The following PCNT variants were observed in gnomAD, a reference collection of about 807,000 sequenced individuals.
The protein encoded by PCNT is kendrin.
PCNT carries 319 observed loss-of-function variants against 380.4 expected under a neutral mutation model. The ratio of observed to expected loss-of-function variants is 0.84; its 90% CI spans 0.77 to 0.92. The LOEUF is 0.92. Ranked by LOEUF, PCNT falls within the 40% of genes least tolerant of loss-of-function variation. PCNT has a pLI of 0.00. For synonymous variants in PCNT, 1,845 were observed against 1,735.2 expected, an observed-to-expected ratio of 1.06 and a Z score of -1.57; for missense variants, 4,400 against 4,255.3, an observed-to-expected ratio of 1.03 and a Z score of -0.95.
chr21:46,363,976 G>C, intron 14 of PCNT, 42 bp downstream of exon 14: 1 of 1,565,914 alleles, frequency 6.4e-7, no homozygotes, highest in Non-Finnish European at 8.7e-7. Context: ...TGTGAGGCCA[G>C]ACACCTTGGA....
Position 46,355,468 on chromosome 21 carries a change from T to TC in PCNT, c.1780dup (p.Gln594ProfsTer48). The TC allele has an allele frequency of 6.2e-7, 1 of 1,613,960 alleles. No individual in the cohort carries two copies. The highest frequency in any genetic ancestry group is 8.5e-7 in the Non-Finnish European group (1 of 1,180,026). On this transcript the variant is annotated frameshift_variant, in exon 12 of 47. Coordinates refer to ENST00000359568, the MANE Select transcript of PCNT (RefSeq NM_006031.6). LOFTEE classifies it high-confidence loss of function. Reference sequence around the variant, plus strand: ...TCTCTGTAGGAGAGCCTGCCACGCTTCCAGGCGGAGTTAGAAGAAAGCCAC... The same window carrying TC: ...TCTCTGTAGGAGAGCCTGCCACGCTTCCCAGGCGGAGTTAGAAGAAAGCCAC...
intron 9 of PCNT, 34 bp downstream of exon 9, chr21:46,351,574 A>G: frequency 8.3e-7 from 1 of 1,208,656 alleles, no homozygotes; most frequent in Non-Finnish European, 1.2e-6. Context: ...CAGATCCTCA[A>G]AAGCTGAAGC....
chr21:46,346,052 G>A lies in PCNT; in HGVS notation c.640-76G>A, dbSNP rs536366174. Reference sequence around the variant, plus strand: ...CGAACGGGGTTTTGTGAGGACGTGCGTCGTCAGTTCTTGAGCACATCACTG... The same window carrying A: ...CGAACGGGGTTTTGTGAGGACGTGCATCGTCAGTTCTTGAGCACATCACTG... On this transcript the variant is annotated intron_variant, in intron 3 of 46. Coordinates refer to ENST00000359568, the MANE Select transcript of PCNT (RefSeq NM_006031.6). 1.2e-3 allele frequency: 1,651 copies of A among 1,378,872 alleles called. 2 individuals carry two copies. Among genetic ancestry groups the A allele is most frequent in the South Asian group, 2.1e-3 (182 of 86,152 alleles). 85.4% of individuals were successfully genotyped at this position (1,378,872 alleles called of 1,614,324 possible).
At position 46,354,042 on chromosome 21, in the gene PCNT, G is replaced by C; in HGVS notation, c.1735G>C (p.Asp579His). The C allele has an allele frequency of 6.2e-7, 1 of 1,614,128 alleles. No individual in the cohort carries two copies. The highest frequency in any genetic ancestry group is 1.7e-5 in the Admixed American group (1 of 60,016). ...TGAGAAAGGAAGAAAAGATCACGTT[G>C]ATGAACTCGAGCCTGAGCGACATAA... Reference protein sequence around the residue: ...KPEKGRKDHVDELEPERHKES... With the variant: ...KPEKGRKDHVHELEPERHKES... Residue 579 changes from aspartate (D) to histidine (H), a missense_variant, in exon 11 of 47, where the codon GAT becomes CAT. Transcript: ENST00000359568.
chr21:46,417,084 G>A lies in PCNT; in HGVS notation c.6921+245G>A, dbSNP rs868325928. ...ACCCTGGGCATGCTTCTCCACTGACGCTGACTCCAACGGGCATAGCCCAGA... is the reference window on the plus strand; with the variant it reads ...ACCCTGGGCATGCTTCTCCACTGACACTGACTCCAACGGGCATAGCCCAGA... On this transcript the variant is annotated intron_variant, in intron 30 of 46. Coordinates refer to ENST00000359568, the MANE Select transcript of PCNT (RefSeq NM_006031.6). 5.9e-5 allele frequency among the ~76,000 whole-genome samples: 9 copies of A among 151,994 alleles called. No individual in the cohort carries two copies. The South Asian group carries it at 8.3e-4, about 14-fold the overall frequency.
intron 31 of PCNT, 83 bp from the exon 32 acceptor site, chr21:46,421,887 C>T: frequency 6.6e-7 from 1 of 1,511,250 alleles, no homozygotes; most frequent in Non-Finnish European, 9.1e-7. Context: ...GGGCCGATCA[C>T]CCCTGTCCTG....
chr21:46,373,211 C>A (rs1194979453), intron 15 of PCNT, among the ~76,000 whole-genome samples: 1 of 151,524 alleles, frequency 6.6e-6, no homozygotes, highest in African/African-American at 2.4e-5. Flanking sequence ...GAGATGGGGT[C>A]TCACTGTGTT....
intron 39 of PCNT, among the ~76,000 whole-genome samples, chr21:46,436,610 AAC>A (rs1400988890): frequency 1.3e-5 from 2 of 152,168 alleles, no homozygotes; most frequent in African/African-American, 4.8e-5. Flanking sequence ...AAACTCGGCA[AAC>A]ACAGTTCTCC....
Position 46,387,032 on chromosome 21 carries a change from C to T in PCNT, c.3464+1049C>T, listed in dbSNP as rs191817905. Among the ~76,000 whole-genome samples, 6 of 152,326 alleles carry T rather than the reference C, an allele frequency of 3.9e-5. 1 individual carries two copies. The highest frequency in any genetic ancestry group is 4.8e-5 in the African/African-American group (2 of 41,572). On this transcript the variant is annotated intron_variant, in intron 17 of 46. Transcript: ENST00000359568. ...CCCAGGCCTCTGAGTCCTGCTGCTG[C>T]TCCCGTCTTTGTGTCCCCACTCGAG... is the stretch of plus-strand genomic sequence containing the variant.
intron 15 of PCNT, among the ~76,000 whole-genome samples, chr21:46,377,601 G>A (rs965837443): frequency 3.3e-5 from 5 of 152,068 alleles, no homozygotes; most frequent in Middle Eastern, 3.4e-3. Flanking sequence ...CCAGTGGCTC[G>A]TGCCTATAGT....
Position 46,376,185 on chromosome 21 carries a change from G to C in PCNT, c.3166-5509G>C, listed in dbSNP as rs549910701. On this transcript the variant is annotated intron_variant, in intron 15 of 46. Transcript: ENST00000359568. The stretch of plus-strand genomic sequence containing the variant: ...TCCTGAGTGGGGCGTAGTTTGGGAC[G>C]CCTGGAGCTTAGGCCAGGCTCCGCA... Among the ~76,000 whole-genome samples, 4 of 152,310 alleles carry C rather than the reference G, an allele frequency of 2.6e-5. No homozygotes were observed. The South Asian group carries it at 8.3e-4, about 32-fold the overall frequency.
chr21:46,339,002 G>A (rs959046630), intron 3 of PCNT, among the ~76,000 whole-genome samples: 6 of 152,054 alleles, frequency 3.9e-5, no homozygotes, highest in South Asian at 2.1e-4. Context: ...GGCTGGTCTC[G>A]AACTCCTGAC....
At chr21:46,420,379 A>G (rs1412071139) in intron 31 of PCNT, among the ~76,000 whole-genome samples, 2 of 152,126 alleles carry the variant, frequency 1.3e-5, no homozygotes, top group African/African-American at 4.8e-5. Context: ...TTATTTTTCA[A>G]CATTTGTGCT....
intron 13 of PCNT, among the ~76,000 whole-genome samples, chr21:46,362,647 TGAAAGTCA>T (rs2084760529): frequency 1.3e-5 from 2 of 152,146 alleles, no homozygotes; most frequent in South Asian, 4.1e-4. Context: ...TTTTTCTCTT[TGAAAGTCA>T]GGAAGTCAGG....
intron 14 of PCNT, among the ~76,000 whole-genome samples, chr21:46,364,872 G>A (rs750718387): frequency 9.9e-5 from 15 of 152,222 alleles, no homozygotes; most frequent in Middle Eastern, 3.2e-3. Flanking sequence ...CATGCAGTTC[G>A]TGGTAGAGCT....
intron 31 of PCNT, among the ~76,000 whole-genome samples, chr21:46,421,679 G>A (rs958757035): frequency 1.3e-5 from 2 of 152,226 alleles, no homozygotes; most frequent in African/African-American, 2.4e-5. Flanking sequence ...TGGGGGCCAC[G>A]TCTGGAGAAG....
In PCNT at chr21:46,349,585, C is replaced by T; in HGVS notation, c.1208-99C>T. ...GCCCGGGGGCGCCCAGGATGGGGCT[C>T]TGGGTGGCAGCGCTCTGGGTGCACC... On this transcript the variant is annotated intron_variant, in intron 7 of 46. Transcript: ENST00000359568. The T allele has an allele frequency of 2.3e-6, 3 of 1,331,572 alleles. No homozygotes were observed. The South Asian group carries it at 3.5e-5, about 16-fold the overall frequency. 82.5% of individuals were successfully genotyped at this position (1,331,572 alleles called of 1,614,324 possible).
chr21:46,333,991 G>C (rs990409561), intron 2 of PCNT, among the ~76,000 whole-genome samples: 9 of 152,160 alleles, frequency 5.9e-5, no homozygotes, highest in African/African-American at 1.9e-4. Context: ...CGGATCACGA[G>C]GTCAGGAGAT....
chr21:46,387,490 C>T (rs1160489566), intron 17 of PCNT, among the ~76,000 whole-genome samples: 1 of 152,066 alleles, frequency 6.6e-6, no homozygotes, highest in Non-Finnish European at 1.5e-5. Flanking sequence ...CAGAGGTGAG[C>T]CCACGGTCCC....
Sources: allele counts gnomAD v4.1 joint callset (sites outside exome capture counted in the v4.1 genomes callset), GRCh38; gene constraint gnomAD v4.1.1; transcripts MANE v1.5; gene names NCBI Gene and HGNC (gene_info 2026-07-23, HGNC 2026-07-21).